The following SCUBE1 variants were observed in gnomAD, a reference collection of about 807,000 sequenced individuals.
The protein encoded by SCUBE1 is signal peptide, CUB domain and EGF like domain containing 1.
In SCUBE1, 59 loss-of-function variants were observed where a neutral mutation model predicts 124.4. The ratio of observed to expected loss-of-function variants is 0.47; its 90% CI spans 0.38 to 0.59. SCUBE1 has a LOEUF of 0.59. Among genes scored for constraint, SCUBE1 ranks in the 20% least tolerant of loss-of-function variants. SCUBE1 has a pLI of 0.00. For missense variants in SCUBE1, 1,150 were observed against 1,371.2 expected, an observed-to-expected ratio of 0.84 and a Z score of 2.55; for synonymous variants, 545 against 550.9, an observed-to-expected ratio of 0.99 and a Z score of 0.15.
intron 9 of SCUBE1, among the ~76,000 whole-genome samples, chr22:43,228,164 G>A (rs906153549): frequency 6.6e-5 from 10 of 152,188 alleles, no homozygotes; most frequent in Non-Finnish European, 1.5e-4. Flanking sequence ...GCCTGGCATC[G>A]TGAGTGTGGC....
chr22:43,250,201 C>T (rs112214682), intron 6 of SCUBE1, among the ~76,000 whole-genome samples: 6 of 152,226 alleles, frequency 3.9e-5, no homozygotes, highest in Admixed American at 1.3e-4. Context: ...GCTCCATGAC[C>T]GAAGCTTTTC....
At chr22:43,269,748 C>T (rs1924218657) in intron 4 of SCUBE1, among the ~76,000 whole-genome samples, 1 of 152,168 alleles carries the variant, frequency 6.6e-6, no homozygotes, top group Admixed American at 6.5e-5. Flanking sequence ...CGGCTGCCTT[C>T]CCCAACCCCG....
intron 1 of SCUBE1, 60 bp downstream of exon 1, chr22:43,343,114 C>T: frequency 3.4e-6 from 3 of 870,670 alleles, no homozygotes; most frequent in Non-Finnish European, 4.3e-6. Context: ...CCTCCGGGAC[C>T]GCGCCTCGGC....
rs1555984987 is a variant in SCUBE1 at position 43,203,360 on chromosome 22, G to GTATATATATATATTTATATATATATT, written c.*611_*636dup. ...TTTCCTAAAGTACCCACAAATAGAAGTATATATATATATTTATATATATAT... is the reference window on the plus strand; with the variant it reads ...TTTCCTAAAGTACCCACAAATAGAAGTATATATATATATTTATATATATATTTATATATATATATTTATATATATAT... On this transcript the variant is annotated 3_prime_UTR_variant, in exon 22 of 22. Coordinates refer to ENST00000360835, the MANE Select transcript of SCUBE1 (RefSeq NM_173050.5). 233 of 146,740 alleles carry GTATATATATATATTTATATATATATT rather than the reference G, an allele frequency of 1.6e-3. 1 individual carries two copies. The highest frequency in any genetic ancestry group is 3.6e-3 in the Middle Eastern group (1 of 274). The allele number at this position is 146,740 out of a possible 1,614,324, so 9.1% of individuals were successfully genotyped here.
At chr22:43,278,927 C>T (rs1924646611) in intron 4 of SCUBE1, among the ~76,000 whole-genome samples, 2 of 152,134 alleles carry the variant, frequency 1.3e-5, no homozygotes, top group African/African-American at 4.8e-5. Context: ...GGGGCTGGGC[C>T]TCCTGAGGAC....
chr22:43,339,288 G>A (rs760576554), intron 1 of SCUBE1, 53 bp from the exon 2 acceptor site: 13 of 1,580,546 alleles, frequency 8.2e-6, no homozygotes, highest in African/African-American at 1.3e-5. Context: ...CCCAGGGCAG[G>A]TGGCCGATAG....
In SCUBE1 at chr22:43,292,518, G is replaced by A. The variant is rs542604320; in HGVS notation, c.350-1338C>T. ...AAATATATAAAACCACAAAGGCGGC[G>A]TGAGCTACTGGCTGCTTCTAGCCAA... On this transcript the variant is annotated intron_variant, in intron 3 of 21. Coordinates refer to ENST00000360835, the MANE Select transcript of SCUBE1 (RefSeq NM_173050.5). 6.6e-5 allele frequency among the ~76,000 whole-genome samples: 10 copies of A among 150,722 alleles called. No homozygotes were observed. In the South Asian group the frequency reaches 1.3e-3, roughly 19 times the overall value.
chr22:43,342,853 G>A (rs932239718), intron 1 of SCUBE1, among the ~76,000 whole-genome samples: 4 of 151,052 alleles, frequency 2.6e-5, no homozygotes, highest in Non-Finnish European at 5.9e-5. Context: ...CTGCGCTCGG[G>A]GTCCCGCCCC....
chr22:43,222,629 G>C lies in SCUBE1; in HGVS notation c.1432+9C>G. The C allele has an allele frequency of 6.3e-7, 1 of 1,575,308 alleles. No individual in the cohort carries two copies. Among genetic ancestry groups the C allele is most frequent in the Non-Finnish European group, 8.6e-7 (1 of 1,162,060 alleles). On this transcript the variant is annotated intron_variant, in intron 12 of 21. Transcript: ENST00000360835. ...GTGGCATGCAGCATGGACAGGCCGG[G>C]GGGGTTACCTGAGCAGCTGGGCCCG...
At chr22:43,325,080 T>A (rs1926678261) in intron 2 of SCUBE1, among the ~76,000 whole-genome samples, 1 of 151,318 alleles carries the variant, frequency 6.6e-6, no homozygotes, top group Admixed American at 6.6e-5. Context: ...AGCCGTGGGA[T>A]GATGAAGGCA....
intron 8 of SCUBE1, among the ~76,000 whole-genome samples, chr22:43,229,711 A>G (rs1922477101): frequency 6.6e-6 from 1 of 152,202 alleles, no homozygotes; most frequent in African/African-American, 2.4e-5. Context: ...GCCACCCATA[A>G]AGGTCAAAAA....
At chr22:43,281,956 C>T (rs543006066) in intron 4 of SCUBE1, 2 of 152,564 alleles carry the variant, frequency 1.3e-5, no homozygotes, top group African/African-American at 2.4e-5. Context: ...GCTGCTGGGA[C>T]GAGGACTCCT....
chr22:43,255,133 G>A lies in SCUBE1; in HGVS notation c.727+3086C>T, dbSNP rs186367053. Among the ~76,000 whole-genome samples, 7 of 152,338 alleles carry A rather than the reference G, an allele frequency of 4.6e-5. No homozygotes were observed. The highest frequency in any genetic ancestry group is 1.4e-4 in the African/African-American group (6 of 41,562). ...GTGAATGTGGGTGTTCACGCAAGTCGGGGAGCTTTACGACACACGTCTCCT... is the reference window on the plus strand; with the variant it reads ...GTGAATGTGGGTGTTCACGCAAGTCAGGGAGCTTTACGACACACGTCTCCT... On this transcript the variant is annotated intron_variant, in intron 6 of 21. Coordinates refer to ENST00000360835, the MANE Select transcript of SCUBE1 (RefSeq NM_173050.5). The surrounding 1 kb of genome is among the most constrained non-coding windows in gnomAD (Gnocchi z 4.7).
intron 3 of SCUBE1, among the ~76,000 whole-genome samples, chr22:43,315,682 C>T (rs1926319602): frequency 8.5e-6 from 1 of 117,218 alleles, no homozygotes; most frequent in South Asian, 2.9e-4. Flanking sequence ...CAGAGAGAGC[C>T]TTTTCTTGGC....
intron 6 of SCUBE1, among the ~76,000 whole-genome samples, chr22:43,257,567 A>C (rs534499305): frequency 3.7e-4 from 57 of 152,314 alleles, no homozygotes; most frequent in African/African-American, 1.2e-3. Context: ...CAGGTGAGAG[A>C]CGGGCTGGGG....
In SCUBE1 at chr22:43,238,972, C is replaced by T. The variant is rs1922886683; in HGVS notation, c.728-18G>A. 3 of 1,588,120 alleles carry T rather than the reference C, an allele frequency of 1.9e-6. No homozygotes were observed. Among genetic ancestry groups the T allele is most frequent in the Admixed American group, 3.3e-5 (2 of 59,852 alleles). Reference sequence around the variant, plus strand: ...GCACGTCTCTGGGGAGGGAAAGAGACAGAGACCTCAGTTTCCTTGGACAGA... The same window carrying T: ...GCACGTCTCTGGGGAGGGAAAGAGATAGAGACCTCAGTTTCCTTGGACAGA... On this transcript the variant is annotated intron_variant, in intron 6 of 21. Transcript: ENST00000360835.
intron 14 of SCUBE1, among the ~76,000 whole-genome samples, chr22:43,218,862 C>G (rs1341463364): frequency 6.6e-6 from 1 of 152,250 alleles, no homozygotes; most frequent in African/African-American, 2.4e-5. Context: ...GCCTTGCCAG[C>G]CTCATCCCCT....
Position 43,343,296 on chromosome 22 carries a change from C to T in SCUBE1, c.-35G>A. ...GGGCCCCGCTGGGCGTGCGGGCGTG[C>T]GGGGCGCGGGGACCCGACCGACCGG... On this transcript the variant is annotated 5_prime_UTR_variant, in exon 1 of 22. Coordinates refer to ENST00000360835, the MANE Select transcript of SCUBE1 (RefSeq NM_173050.5). 1 of 1,034,934 alleles carries T rather than the reference C, an allele frequency of 9.7e-7. No individual in the cohort carries two copies. Among genetic ancestry groups the T allele is most frequent in the Admixed American group, 5.3e-5 (1 of 18,890 alleles). The allele number at this position is 1,034,934 out of a possible 1,614,324, so 64.1% of individuals were successfully genotyped here.
intron 4 of SCUBE1, chr22:43,272,601 C>G (rs936087280): frequency 6.6e-6 from 1 of 152,250 alleles, no homozygotes; most frequent in African/African-American, 2.4e-5. Flanking sequence ...CCAACCAGCC[C>G]GCTCCTTGTC....
Sources: gnomAD v4.1 joint callset for allele counts (sites outside exome capture counted in the v4.1 genomes callset) on GRCh38, gnomAD v4.1.1 for gene constraint, Gnocchi (gnomAD v3.1) non-coding constraint, MANE v1.5 for transcripts, NCBI Gene and HGNC (gene_info 2026-07-23, HGNC 2026-07-21) for gene names.